PLD5: variants seen among roughly 807,000 people sequenced by gnomAD.
PLD5 encodes phospholipase D family member 5, also known as inactive phospholipase D5.
Under a neutral mutation model 61.1 loss-of-function variants are expected in PLD5, and 36 were observed. The observed-to-expected ratio is 0.59, with a 90% CI of 0.45 to 0.78. The LOEUF (loss-of-function observed/expected upper bound fraction) is 0.78. PLD5 is among the 30% of genes least tolerant of loss of function. The probability of loss-of-function intolerance (pLI) is 0.00; values close to 1 mark genes in which losing one functional copy is unlikely to be tolerated. For synonymous variants in PLD5, 243 were observed against 242.8 expected, an observed-to-expected ratio of 1.00 and a Z score of -0.01; for missense variants, 515 against 644.4, an observed-to-expected ratio of 0.80 and a Z score of 2.17.
At chr1:242,501,652 A>G (rs1668558370) in intron 1 of PLD5, among the ~76,000 whole-genome samples, 1 of 152,212 alleles carries the variant, frequency 6.6e-6, no homozygotes, top group Non-Finnish European at 1.5e-5. Flanking sequence ...AGACTCAGGA[A>G]TAAAGCATGG....
rs150153579 is a variant in PLD5 at position 242,240,384 on chromosome 1, A to G, written c.608-20269T>C. On this transcript the variant is annotated intron_variant, in intron 4 of 9. Transcript: ENST00000536534. The stretch of plus-strand genomic sequence containing the variant: ...TTTCCTTTAATATGGTTAATGATTT[A>G]TAGTATTTAGTTCCTTCAACAGCTG... Among the ~76,000 whole-genome samples, 1,037 of 152,306 alleles carry G rather than the reference A, an allele frequency of 6.8e-3. 6 individuals carry two copies. The highest frequency in any genetic ancestry group is 0.016 in the South Asian group (76 of 4,834).
chr1:242,499,671 C>T (rs998230644), intron 1 of PLD5, among the ~76,000 whole-genome samples: 4 of 152,160 alleles, frequency 2.6e-5, no homozygotes, highest in Non-Finnish European at 4.4e-5. Flanking sequence ...GGCTTATGAT[C>T]TCTTTTTAAG....
chr1:242,508,437 T>G (rs1394001920), intron 1 of PLD5, among the ~76,000 whole-genome samples: 1 of 152,164 alleles, frequency 6.6e-6, no homozygotes, highest in Non-Finnish European at 1.5e-5. Flanking sequence ...TTCCAACTCC[T>G]AATCAGAAGC....
chr1:242,525,036 A>G (rs909851588), upstream of PLD5, among the ~76,000 whole-genome samples: 18 of 148,704 alleles, frequency 1.2e-4, no homozygotes, highest in African/African-American at 2.5e-5. Context: ...CCCCATCTCT[A>G]TCCAGCGGCG....
chr1:242,145,323 C>T (rs1664470699), intron 5 of PLD5, among the ~76,000 whole-genome samples: 1 of 152,174 alleles, frequency 6.6e-6, no homozygotes, highest in Admixed American at 6.5e-5. Flanking sequence ...AATAGGTAGG[C>T]TCTTCAGGAT....
chr1:242,089,377 C>CT lies in PLD5; in HGVS notation c.*476dup. ...TGGCATGAGATGTAAGCTATTCATG[C>CT]TTAGCTGACTGTGTAGGTCTTGGAG... On this transcript the variant is annotated 3_prime_UTR_variant, in exon 10 of 10. Transcript: ENST00000536534. 1.5e-5 allele frequency: 6 copies of CT among 407,814 alleles called. No homozygotes were observed. The highest frequency in any genetic ancestry group is 1.2e-4 in the Admixed American group (3 of 24,556). The allele number at this position is 407,814 out of a possible 1,614,324, so 25.3% of individuals were successfully genotyped here. A position where few individuals can be genotyped will look rare whatever the true frequency, so the allele number is the denominator to read the frequency against.
chr1:242,137,581 G>C (rs755780170), intron 5 of PLD5, among the ~76,000 whole-genome samples: 1 of 152,116 alleles, frequency 6.6e-6, no homozygotes, highest in African/African-American at 2.4e-5. Flanking sequence ...CTTGTAGGGG[G>C]AAATGTGTTG....
At chr1:242,146,312 C>A (rs1034688792) in intron 5 of PLD5, among the ~76,000 whole-genome samples, 4 of 152,246 alleles carry the variant, frequency 2.6e-5, no homozygotes, top group Admixed American at 6.5e-5. Flanking sequence ...TTCCAAATGA[C>A]CTTTTTAATT....
At chr1:242,150,644 T>A (rs1664859886) in intron 5 of PLD5, among the ~76,000 whole-genome samples, 1 of 151,788 alleles carries the variant, frequency 6.6e-6, no homozygotes, top group Non-Finnish European at 1.5e-5. Flanking sequence ...TTTCGACAAG[T>A]GGTAGCATAA....
chr1:242,195,141 C>A (rs75063778), intron 5 of PLD5, among the ~76,000 whole-genome samples: 1 of 152,210 alleles, frequency 6.6e-6, no homozygotes, highest in East Asian at 1.9e-4. Flanking sequence ...TTGAGAAAGA[C>A]TTTTCTAACA....
chr1:242,449,080 G>GGTCACC (rs1244875241), intron 1 of PLD5, among the ~76,000 whole-genome samples: 1 of 152,204 alleles, frequency 6.6e-6, no homozygotes, highest in East Asian at 1.9e-4. Flanking sequence ...TTACATCTGA[G>GGTCACC]GTCACCGTAG....
chr1:242,411,635 G>T (rs1019721945), intron 1 of PLD5, among the ~76,000 whole-genome samples: 1 of 152,178 alleles, frequency 6.6e-6, no homozygotes, highest in East Asian at 1.9e-4. Flanking sequence ...AATTTTATAG[G>T]ATGATTTTGA....
At chr1:242,289,332 T>C (rs1183866948) in intron 2 of PLD5, among the ~76,000 whole-genome samples, 4 of 152,188 alleles carry the variant, frequency 2.6e-5, no homozygotes, top group Non-Finnish European at 5.9e-5. Context: ...TTAAGCTTTA[T>C]TTATTAATGT....
chr1:242,171,824 T>A (rs750474391), intron 5 of PLD5, among the ~76,000 whole-genome samples: 4 of 151,888 alleles, frequency 2.6e-5, no homozygotes, highest in Non-Finnish European at 5.9e-5. Context: ...GGTAAAGGGA[T>A]CAGTGCAACA....
intron 1 of PLD5, among the ~76,000 whole-genome samples, chr1:242,490,851 G>C (rs768687160): frequency 7.0e-6 from 1 of 142,462 alleles, no homozygotes; most frequent in Non-Finnish European, 1.6e-5. Flanking sequence ...CCGAAAATTT[G>C]GAGGAGCGCC....
chr1:242,336,693 T>C (rs1287963270), intron 2 of PLD5, among the ~76,000 whole-genome samples: 1 of 152,182 alleles, frequency 6.6e-6, no homozygotes, highest in Non-Finnish European at 1.5e-5. Context: ...TGCATTTCAT[T>C]GTAAAACTGA....
At chr1:242,099,519 G>A (rs2148665361) in intron 9 of PLD5, among the ~76,000 whole-genome samples, 1 of 152,318 alleles carries the variant, frequency 6.6e-6, no homozygotes, top group Non-Finnish European at 1.5e-5. Flanking sequence ...GGGAGTTAGT[G>A]ACTACCCACA....
intron 1 of PLD5, among the ~76,000 whole-genome samples, chr1:242,439,249 G>A (rs1054894936): frequency 7.2e-5 from 11 of 152,202 alleles, no homozygotes; most frequent in African/African-American, 2.2e-4. Context: ...GGAAGGAGCC[G>A]GGGAAGGGGG....
chr1:242,250,867 G>A (rs1005426040), intron 4 of PLD5, among the ~76,000 whole-genome samples: 6 of 152,156 alleles, frequency 3.9e-5, no homozygotes, highest in African/African-American at 1.4e-4. Context: ...CTAAGTTAGA[G>A]TAGTAGAGGG....
Sources: gnomAD v4.1 joint callset for allele counts (sites outside exome capture counted in the v4.1 genomes callset) on GRCh38, gnomAD v4.1.1 for gene constraint, MANE v1.5 for transcripts, NCBI Gene and HGNC (gene_info 2026-07-23, HGNC 2026-07-21) for gene names.